Variants in SCFD2 observed in about 807,000 individuals in gnomAD.
SCFD2 encodes sec1 family domain containing 2, also known as sec1 family domain-containing protein 2.
Under a neutral mutation model 58.9 loss-of-function variants are expected in SCFD2, and 54 were observed. The ratio of observed to expected loss-of-function variants is 0.92; its 90% CI spans 0.74 to 1.15. SCFD2 has a LOEUF of 1.15. Ranked by LOEUF, SCFD2 falls within the 50% of genes most tolerant of loss-of-function variation. The pLI is 0.00. For missense variants in SCFD2, 805 were observed against 836.6 expected (o/e 0.96, Z 0.47); for synonymous variants, 321 against 335.9 (o/e 0.96, Z 0.49).
At chr4:53,332,748 G>A (rs1330883045) in intron 2 of SCFD2, among the ~76,000 whole-genome samples, 1 of 151,636 alleles carries the variant, frequency 6.6e-6, no homozygotes, top group Non-Finnish European at 1.5e-5. Context: ...TTCTGGCCAG[G>A]GCAATTAGGC....
At chr4:53,203,658 A>C (rs1728321066) in intron 4 of SCFD2, among the ~76,000 whole-genome samples, 1 of 152,158 alleles carries the variant, frequency 6.6e-6, no homozygotes, top group Non-Finnish European at 1.5e-5. Flanking sequence ...ATGAAAGTCA[A>C]GTCAAAAAAG....
chr4:53,342,402 A>T (rs961138589), intron 2 of SCFD2, among the ~76,000 whole-genome samples: 3 of 152,240 alleles, frequency 2.0e-5, no homozygotes, highest in African/African-American at 4.8e-5. Context: ...CAACAAGAAG[A>T]GCTAACTATC....
chr4:53,113,771 T>C (rs1017293074), intron 5 of SCFD2, among the ~76,000 whole-genome samples: 2 of 152,108 alleles, frequency 1.3e-5, no homozygotes, highest in African/African-American at 4.8e-5. Flanking sequence ...ACATTTATTA[T>C]TGGATAATGT....
At chr4:53,030,428 CT>C (rs949756886) in intron 5 of SCFD2, among the ~76,000 whole-genome samples, 154 of 144,300 alleles carry the variant, frequency 1.1e-3, no homozygotes, top group Non-Finnish European at 9.0e-4. Context: ...AAAATCTAGC[CT>C]TTTTTTTTTT....
chr4:53,176,305 C>T (rs1406403118), intron 4 of SCFD2, among the ~76,000 whole-genome samples: 1 of 152,190 alleles, frequency 6.6e-6, no homozygotes, highest in Non-Finnish European at 1.5e-5. Context: ...ATACAGACAA[C>T]ACTCAAAGGA....
At chr4:53,263,771 A>C (rs996705699) in intron 4 of SCFD2, among the ~76,000 whole-genome samples, 8 of 152,222 alleles carry the variant, frequency 5.3e-5, no homozygotes, top group Non-Finnish European at 1.2e-4. Flanking sequence ...CATCAGCTGC[A>C]GTACTATAGG....
chr4:53,190,693 TTC>T (rs1727868178), intron 4 of SCFD2, among the ~76,000 whole-genome samples: 1 of 152,220 alleles, frequency 6.6e-6, no homozygotes, highest in African/African-American at 2.4e-5. Flanking sequence ...CTGTTTTTTG[TTC>T]TCTGTTGAAT....
chr4:53,261,239 G>A (rs946492772), intron 4 of SCFD2, among the ~76,000 whole-genome samples: 2 of 151,930 alleles, frequency 1.3e-5, no homozygotes, highest in African/African-American at 4.8e-5. Context: ...ATTTAGTTCT[G>A]CTCTGATCTT....
At chr4:53,050,851 C>T (rs1351225375) in intron 5 of SCFD2, among the ~76,000 whole-genome samples, 2 of 152,176 alleles carry the variant, frequency 1.3e-5, no homozygotes, top group East Asian at 1.9e-4. Flanking sequence ...CCCAGTGCCC[C>T]TTCTTGCTTC....
intron 4 of SCFD2, among the ~76,000 whole-genome samples, chr4:53,194,318 C>CT (rs2148960725): frequency 6.6e-6 from 1 of 152,248 alleles, no homozygotes; most frequent in African/African-American, 2.4e-5. Flanking sequence ...GCTTATACCT[C>CT]TGAGATTCTC....
At chr4:53,090,455 T>C (rs1457869333) in intron 5 of SCFD2, among the ~76,000 whole-genome samples, 3 of 152,136 alleles carry the variant, frequency 2.0e-5, no homozygotes, top group Admixed American at 2.0e-4. Flanking sequence ...GAAAAGTTCA[T>C]TGAGGGCAGT....
intron 6 of SCFD2, among the ~76,000 whole-genome samples, chr4:52,912,346 G>A (rs982107518): frequency 6.6e-6 from 1 of 152,042 alleles, no homozygotes; most frequent in African/African-American, 2.4e-5. Context: ...AAAAAGGAGA[G>A]GGGCAAGAAT....
At chr4:53,296,573 C>G (rs756710398) in intron 3 of SCFD2, among the ~76,000 whole-genome samples, 1 of 152,066 alleles carries the variant, frequency 6.6e-6, no homozygotes, top group Admixed American at 6.5e-5. Flanking sequence ...TTTTGTTAAT[C>G]TCTTCAAAAA....
At position 53,111,116 on chromosome 4, in the gene SCFD2, C is replaced by T. The variant is rs1480333490; in HGVS notation, c.1561+34217G>A. Among the ~76,000 whole-genome samples the T allele has an allele frequency of 4.6e-5, 7 of 151,794 alleles. No homozygotes were observed. The South Asian group carries it at 6.2e-4, about 14-fold the overall frequency. On this transcript the variant is annotated intron_variant, in intron 5 of 8. Coordinates refer to ENST00000401642, the MANE Select transcript of SCFD2 (RefSeq NM_152540.4). Reference sequence around the variant, plus strand: ...AAAACAAACACTGCATGTTCTCAGTCGTAAGTGGGAATTGAACAATGAGAA... The same window carrying T: ...AAAACAAACACTGCATGTTCTCAGTTGTAAGTGGGAATTGAACAATGAGAA...
intron 5 of SCFD2, among the ~76,000 whole-genome samples, chr4:52,928,456 T>C (rs575476939): frequency 2.6e-5 from 4 of 152,238 alleles, no homozygotes; most frequent in African/African-American, 9.6e-5. Context: ...GAGGTAATGA[T>C]ATAAAGATGC....
intron 5 of SCFD2, among the ~76,000 whole-genome samples, chr4:53,030,891 C>T (rs1270476944): frequency 6.6e-6 from 1 of 152,182 alleles, no homozygotes; most frequent in Non-Finnish European, 1.5e-5. Flanking sequence ...TAATTCAATT[C>T]ACCTGGCTAA....
chr4:53,002,045 A>C (rs1721874957), intron 5 of SCFD2, among the ~76,000 whole-genome samples: 1 of 152,204 alleles, frequency 6.6e-6, no homozygotes, highest in South Asian at 2.1e-4. Context: ...TAATTATTGG[A>C]TGTCCTGTAA....
intron 5 of SCFD2, among the ~76,000 whole-genome samples, chr4:53,124,880 A>G (rs1725580469): frequency 6.6e-6 from 1 of 152,220 alleles, no homozygotes; most frequent in South Asian, 2.1e-4. Flanking sequence ...AAGGAACTTA[A>G]TTAATAGAAG....
chr4:53,230,226 G>A (rs1168264149), intron 4 of SCFD2, among the ~76,000 whole-genome samples: 3 of 152,156 alleles, frequency 2.0e-5, no homozygotes, highest in Non-Finnish European at 4.4e-5. Context: ...ATTCCTCAGG[G>A]ATCTAGAACT....
Sources: allele counts gnomAD v4.1 joint callset (sites outside exome capture counted in the v4.1 genomes callset), GRCh38; gene constraint gnomAD v4.1.1; transcripts MANE v1.5; gene names NCBI Gene and HGNC (gene_info 2026-07-23, HGNC 2026-07-21).